Variants in CHST11 observed in about 807,000 individuals in gnomAD.
CHST11 encodes carbohydrate sulfotransferase 11, also known as C4S-1.
Under a neutral mutation model 30.4 loss-of-function variants are expected in CHST11, and 9 were observed. The ratio of observed to expected loss-of-function variants is 0.30; its 90% CI spans 0.18 to 0.52. The LOEUF is 0.52. CHST11 is among the 20% of genes least tolerant of loss of function. The pLI, the probability that CHST11 is intolerant of heterozygous loss-of-function variation, is 0.97. For synonymous variants in CHST11, 152 were observed against 187.8 expected, an observed-to-expected ratio of 0.81 and a Z score of 1.56; for missense variants, 348 against 460.6, an observed-to-expected ratio of 0.76 and a Z score of 2.24.
chr12:104,569,611 G>A (rs551132236), intron 1 of CHST11, among the ~76,000 whole-genome samples: 285 of 152,212 alleles, frequency 1.9e-3, no homozygotes, highest in Non-Finnish European at 3.4e-3. Flanking sequence ...TTATGCCTGG[G>A]GTAAGAACAT....
chr12:104,513,291 G>A (rs1180356072), intron 1 of CHST11, among the ~76,000 whole-genome samples: 2 of 152,056 alleles, frequency 1.3e-5, no homozygotes, highest in Non-Finnish European at 2.9e-5. Flanking sequence ...ACAGTTAAAA[G>A]GTGATATTTT....
chr12:104,725,653 G>A (rs2040211610), intron 2 of CHST11, among the ~76,000 whole-genome samples: 1 of 151,932 alleles, frequency 6.6e-6, no homozygotes, highest in Non-Finnish European at 1.5e-5. Flanking sequence ...ACTCAGAAAA[G>A]TTCTAAGCCC....
At chr12:104,623,193 G>A (rs7133318) in intron 2 of CHST11, among the ~76,000 whole-genome samples, 31,542 of 152,146 alleles carry the variant, frequency 0.21, 3,588 homozygotes, top group East Asian at 0.33. Flanking sequence ...GAGGTCTTGA[G>A]TTCAAGTCCC....
intron 2 of CHST11, among the ~76,000 whole-genome samples, chr12:104,733,814 G>A (rs187132585): frequency 9.8e-5 from 15 of 152,360 alleles, no homozygotes; most frequent in Admixed American, 9.8e-4. Context: ...TGCCTCTGAG[G>A]AGGGGAACCC....
chr12:104,470,000 G>A (rs528157754), intron 1 of CHST11, among the ~76,000 whole-genome samples: 2 of 152,328 alleles, frequency 1.3e-5, no homozygotes, highest in Admixed American at 6.5e-5. Flanking sequence ...CAACTGGTTT[G>A]GGACCTCCTT....
At position 104,743,286 on chromosome 12, in the gene CHST11, T is replaced by C. The variant is rs1047189247; in HGVS notation, c.205-13663T>C. Among the ~76,000 whole-genome samples, 6 of 152,282 alleles carry C rather than the reference T, an allele frequency of 3.9e-5. No individual in the cohort carries two copies. In the South Asian group the frequency reaches 1.0e-3, roughly 26 times the overall value. ...AGGGAAGGGGATGGGAGAGCTGAGGTTCCAGAGGTGTCTCTTAATATCCAC... is the reference window on the plus strand; with the variant it reads ...AGGGAAGGGGATGGGAGAGCTGAGGCTCCAGAGGTGTCTCTTAATATCCAC... On this transcript the variant is annotated intron_variant, in intron 2 of 2. Coordinates refer to ENST00000303694, the MANE Select transcript of CHST11 (RefSeq NM_018413.6).
At chr12:104,728,785 T>C (rs1281355264) in intron 2 of CHST11, among the ~76,000 whole-genome samples, 2 of 152,032 alleles carry the variant, frequency 1.3e-5, no homozygotes, top group Non-Finnish European at 2.9e-5. Context: ...TTAGACTCCT[T>C]GGAGGGCAGA....
intron 1 of CHST11, among the ~76,000 whole-genome samples, chr12:104,549,071 A>T (rs1385777382): frequency 6.6e-6 from 1 of 152,192 alleles, no homozygotes; most frequent in Non-Finnish European, 1.5e-5. Context: ...AGGTGGGGAG[A>T]TGGGAAATCT....
At chr12:104,613,294 T>C (rs1001142705) in intron 2 of CHST11, among the ~76,000 whole-genome samples, 9 of 150,478 alleles carry the variant, frequency 6.0e-5, no homozygotes, top group South Asian at 4.2e-4. Context: ...TAGATAGATA[T>C]AGATATATAG....
intron 1 of CHST11, among the ~76,000 whole-genome samples, chr12:104,529,093 G>A (rs1378206913): frequency 6.6e-6 from 1 of 152,204 alleles, no homozygotes; most frequent in African/African-American, 2.4e-5. Flanking sequence ...AATTTAAATA[G>A]AGAGGTGGAC....
chr12:104,464,934 T>C (rs1593948701), intron 1 of CHST11, among the ~76,000 whole-genome samples: 1 of 152,222 alleles, frequency 6.6e-6, no homozygotes, highest in Admixed American at 6.5e-5. Flanking sequence ...TATTGTGTAT[T>C]ATTGATTCCA....
intron 2 of CHST11, among the ~76,000 whole-genome samples, chr12:104,737,631 CT>C (rs901664593): frequency 6.6e-6 from 1 of 152,204 alleles, no homozygotes; most frequent in African/African-American, 2.4e-5. Context: ...CGCATTGACC[CT>C]TTTGCCCAGT....
At chr12:104,719,732 G>A (rs1267886979) in intron 2 of CHST11, among the ~76,000 whole-genome samples, 1 of 152,204 alleles carries the variant, frequency 6.6e-6, no homozygotes, top group Non-Finnish European at 1.5e-5. Context: ...TTGGGGCATG[G>A]CCAGCCGGCC....
chr12:104,706,907 C>T lies in CHST11; in HGVS notation c.205-50042C>T, dbSNP rs575726824. 2.6e-5 allele frequency among the ~76,000 whole-genome samples: 4 copies of T among 152,158 alleles called. 1 individual carries two copies. The highest frequency in any genetic ancestry group is 7.2e-5 in the African/African-American group (3 of 41,500). On this transcript the variant is annotated intron_variant, in intron 2 of 2. Transcript: ENST00000303694. ...TGAAAGGGGAGAGGAGAGAAGGGGT[C>T]GGGAGGAGGATGGGATCACAGCGAG...
chr12:104,750,522 A>C (rs1419238000), intron 2 of CHST11, among the ~76,000 whole-genome samples: 1 of 133,898 alleles, frequency 7.5e-6, no homozygotes, highest in East Asian at 2.2e-4. Flanking sequence ...GCTCACTGCA[A>C]CCTCTGCCTC....
In CHST11 at chr12:104,760,732, G is replaced by A. The variant is rs1394434945; in HGVS notation, c.*2929G>A. ...CATGACATCAATAGGTTTCTGGAAT[G>A]AGGGACTCTTTCTCCCCGTGTTTTG... On this transcript the variant is annotated 3_prime_UTR_variant, in exon 3 of 3. Transcript: ENST00000303694. 2 of 152,100 alleles carry A rather than the reference G, an allele frequency of 1.3e-5. No individual in the cohort carries two copies. The highest frequency in any genetic ancestry group is 4.8e-5 in the African/African-American group (2 of 41,354). The allele number at this position is 152,100 out of a possible 1,614,324, so 9.4% of individuals were successfully genotyped here. A position where few individuals can be genotyped will look rare whatever the true frequency, so the allele number is the denominator to read the frequency against.
chr12:104,608,993 C>T (rs559527390), intron 2 of CHST11, among the ~76,000 whole-genome samples: 12 of 152,166 alleles, frequency 7.9e-5, no homozygotes, highest in Non-Finnish European at 1.5e-4. Context: ...CCAGGCCAGG[C>T]GTCAGATGGA....
At chr12:104,739,721 C>A (rs1391404616) in intron 2 of CHST11, among the ~76,000 whole-genome samples, 1 of 152,210 alleles carries the variant, frequency 6.6e-6, no homozygotes, top group Non-Finnish European at 1.5e-5. Flanking sequence ...ACAGTAAGTT[C>A]TTTGCAGACT....
intron 2 of CHST11, among the ~76,000 whole-genome samples, chr12:104,655,480 A>G (rs1192177707): frequency 2.0e-5 from 3 of 152,120 alleles, no homozygotes; most frequent in African/African-American, 7.2e-5. Flanking sequence ...GAGGAATTTG[A>G]CTTTCCTTTT....
Sources: gnomAD v4.1 joint callset for allele counts (sites outside exome capture counted in the v4.1 genomes callset) on GRCh38, gnomAD v4.1.1 for gene constraint, MANE v1.5 for transcripts, NCBI Gene and HGNC (gene_info 2026-07-23, HGNC 2026-07-21) for gene names.